Variants in STX12 observed in about 807,000 individuals in gnomAD.
STX12 encodes the protein syntaxin-12.
A neutral mutation model predicts 42.2 loss-of-function variants in STX12; 17 were observed. The observed-to-expected ratio is 0.40, with a 90% CI of 0.28 to 0.60. The LOEUF (loss-of-function observed/expected upper bound fraction) is 0.60, where lower values mean the gene tolerates loss of function less well. STX12 is among the 20% of genes least tolerant of loss of function. The pLI, the probability that STX12 is intolerant of heterozygous loss-of-function variation, is 0.39. For synonymous variants in STX12, 108 were observed against 116.7 expected, an observed-to-expected ratio of 0.93 and a Z score of 0.48; for missense variants, 297 against 330.9, an observed-to-expected ratio of 0.90 and a Z score of 0.79.
chr1:27,785,205 C>T (rs1461438183), intron 1 of STX12, among the ~76,000 whole-genome samples: 2 of 152,062 alleles, frequency 1.3e-5, no homozygotes, highest in South Asian at 2.1e-4. Flanking sequence ...GTCAGATCTA[C>T]GTTTACATGT....
In STX12 at chr1:27,792,158, C is replaced by CTA. The variant is rs1186804137; in HGVS notation, c.189-1369_189-1368dup. 9.9e-4 allele frequency among the ~76,000 whole-genome samples: 99 copies of CTA among 100,122 alleles called. 25 individuals are homozygous for CTA. The highest frequency in any genetic ancestry group is 6.4e-3 in the African/African-American group (92 of 14,488). 65.7% of individuals were successfully genotyped at this position (100,122 alleles called of 152,430 possible). A position where few individuals can be genotyped will look rare whatever the true frequency, so the allele number is the denominator to read the frequency against. On this transcript the variant is annotated intron_variant, in intron 2 of 8. Transcript: ENST00000373943. ...TATGTATATATCTATATATGTGTAT[C>CTA]TATATATGTATATACATATATATGT...
intron 4 of STX12, among the ~76,000 whole-genome samples, chr1:27,804,663 T>G (rs908335043): frequency 6.6e-6 from 1 of 151,446 alleles, no homozygotes; most frequent in African/African-American, 2.4e-5. Flanking sequence ...TATAAAAAAT[T>G]AGCCGGGCAT....
intron 8 of STX12, 128 bp downstream of exon 8, chr1:27,819,860 C>T (rs1378237644): frequency 3.0e-6 from 2 of 657,708 alleles, no homozygotes; most frequent in East Asian, 2.9e-5. Context: ...GTCATAATTG[C>T]AGTCCCAGTT....
intron 1 of STX12, among the ~76,000 whole-genome samples, chr1:27,777,903 A>T (rs2088638248): frequency 6.6e-6 from 1 of 152,094 alleles, no homozygotes; most frequent in Admixed American, 6.6e-5. Context: ...AAAAGAAAAA[A>T]GAAAGAAATT....
chr1:27,792,621 C>T (rs975033446), intron 2 of STX12, among the ~76,000 whole-genome samples: 3 of 151,808 alleles, frequency 2.0e-5, no homozygotes, highest in Admixed American at 2.0e-4. Flanking sequence ...TAACAAAATA[C>T]CATAAACTGA....
chr1:27,796,280 A>G (rs1408622785), intron 3 of STX12, among the ~76,000 whole-genome samples: 3 of 152,114 alleles, frequency 2.0e-5, no homozygotes, highest in Non-Finnish European at 4.4e-5. Context: ...TCTTTTCATT[A>G]CTATCTTATA....
chr1:27,797,870 A>G (rs1236933244), intron 3 of STX12, among the ~76,000 whole-genome samples: 1 of 148,038 alleles, frequency 6.8e-6, no homozygotes, highest in Non-Finnish European at 1.5e-5. Context: ...AAAATTCTGA[A>G]GGTAAACACA....
intron 1 of STX12, among the ~76,000 whole-genome samples, chr1:27,780,209 GT>G (rs199499561): frequency 0.03 from 3,731 of 125,880 alleles, 93 homozygotes; most frequent in East Asian, 0.23. Context: ...TTCTTTGCTT[GT>G]TTTTTTTTTT....
At chr1:27,799,075 G>A (rs535401656) in intron 3 of STX12, among the ~76,000 whole-genome samples, 166 of 152,090 alleles carry the variant, frequency 1.1e-3, no homozygotes, top group Admixed American at 4.0e-3. Context: ...TGTCCTCCCC[G>A]TTATTGTTAT....
intron 4 of STX12, among the ~76,000 whole-genome samples, chr1:27,805,444 T>G (rs1222564877): frequency 6.6e-6 from 1 of 152,134 alleles, no homozygotes; most frequent in Non-Finnish European, 1.5e-5. Context: ...TTTTGCAAAT[T>G]TTTTTTATTT....
Position 27,802,911 on chromosome 1 carries a change from G to A in STX12, c.426+1096G>A, listed in dbSNP as rs376056798. On this transcript the variant is annotated intron_variant, in intron 4 of 8. Transcript: ENST00000373943. ...AAACCTCTGCAGGAAACTACACAAA[G>A]ATTTGAAAAAGTGTCAAAAGAATTT... Among the ~76,000 whole-genome samples the A allele has an allele frequency of 3.3e-5, 5 of 152,150 alleles. No individual in the cohort carries two copies. The East Asian group carries it at 7.7e-4, about 23-fold the overall frequency.
chr1:27,801,219 C>T lies in STX12; in HGVS notation c.289-459C>T, dbSNP rs144784275. 2.0e-4 allele frequency among the ~76,000 whole-genome samples: 30 copies of T among 152,068 alleles called. No homozygotes were observed. The East Asian group carries it at 4.1e-3, about 21-fold the overall frequency. The stretch of plus-strand genomic sequence containing the variant: ...TTCTACAATAGCCCGGCCAACATGG[C>T]GAAACCCCATCTGTACTAAAAATAC... On this transcript the variant is annotated intron_variant, in intron 3 of 8. Coordinates refer to ENST00000373943, the MANE Select transcript of STX12 (RefSeq NM_177424.3).
rs1236083787 is a variant in STX12, at chr1:27,823,434, A to G, written c.*1105A>G. 1 of 152,696 alleles carries G rather than the reference A, an allele frequency of 6.5e-6. No individual in the cohort carries two copies. The highest frequency in any genetic ancestry group is 1.5e-5 in the Non-Finnish European group (1 of 68,046). 9.5% of individuals were successfully genotyped at this position (152,696 alleles called of 1,614,324 possible). A position where few individuals can be genotyped will look rare whatever the true frequency, so the allele number is the denominator to read the frequency against. On this transcript the variant is annotated 3_prime_UTR_variant, in exon 9 of 9. Coordinates refer to ENST00000373943, the MANE Select transcript of STX12 (RefSeq NM_177424.3). ...GATTAATATCTCCATGCATAGTTTTAGACAAAAAAAGATGTTTCAATAAAA... is the reference window on the plus strand; with the variant it reads ...GATTAATATCTCCATGCATAGTTTTGGACAAAAAAAGATGTTTCAATAAAA...
At chr1:27,817,404 C>G (rs2088951303) in intron 6 of STX12, among the ~76,000 whole-genome samples, 1 of 152,200 alleles carries the variant, frequency 6.6e-6, no homozygotes, top group South Asian at 2.1e-4. Context: ...AAAAGAGGCT[C>G]CTTACTTGTA....
chr1:27,814,868 C>T (rs6598906), intron 6 of STX12, among the ~76,000 whole-genome samples: 2,820 of 149,706 alleles, frequency 0.019, 79 homozygotes, highest in African/African-American at 0.059. Context: ...AGTTGGCCCT[C>T]GATATATTTA....
chr1:27,788,140 C>T (rs933405892), intron 1 of STX12, among the ~76,000 whole-genome samples: 4 of 152,144 alleles, frequency 2.6e-5, no homozygotes, highest in Non-Finnish European at 5.9e-5. Context: ...AAGTGTGTTA[C>T]TTCTGGGCAA....
intron 6 of STX12, among the ~76,000 whole-genome samples, chr1:27,814,950 A>G (rs754285313): frequency 1.5e-4 from 23 of 152,204 alleles, no homozygotes; most frequent in African/African-American, 5.5e-4. Flanking sequence ...TAATACAACA[A>G]TAAAAAATAA....
chr1:27,784,758 T>G (rs1396331173), intron 1 of STX12, among the ~76,000 whole-genome samples: 5 of 152,192 alleles, frequency 3.3e-5, no homozygotes, highest in African/African-American at 1.2e-4. Flanking sequence ...TCCTTATGAT[T>G]TGAGTTTTAG....
At chr1:27,787,043 G>T (rs2148598664) in intron 1 of STX12, among the ~76,000 whole-genome samples, 1 of 152,270 alleles carries the variant, frequency 6.6e-6, no homozygotes, top group East Asian at 1.9e-4. Flanking sequence ...TAGTAGAATA[G>T]ATATCTTTTA....
Sources: allele counts gnomAD v4.1 joint callset (sites outside exome capture counted in the v4.1 genomes callset), GRCh38; gene constraint gnomAD v4.1.1; transcripts MANE v1.5; gene names NCBI Gene and HGNC (gene_info 2026-07-23, HGNC 2026-07-21).